SMC2: variants seen among roughly 807,000 people sequenced by gnomAD.
SMC2 encodes the protein structural maintenance of chromosomes protein 2.
In SMC2, 41 loss-of-function variants were observed where a neutral mutation model predicts 142.6. The ratio of observed to expected loss-of-function variants is 0.29; its 90% CI spans 0.22 to 0.37. The LOEUF (loss-of-function observed/expected upper bound fraction) is 0.37. SMC2 is among the 10% of genes least tolerant of loss of function. The pLI, the probability that SMC2 is intolerant of heterozygous loss-of-function variation, is 1.00. For synonymous variants in SMC2, 463 were observed against 457.5 expected (o/e 1.01, Z -0.15); for missense variants, 1,265 against 1,373.7 (o/e 0.92, Z 1.25).
chr9:104,107,100 T>G (rs936344927), intron 9 of SMC2, among the ~76,000 whole-genome samples: 2 of 152,178 alleles, frequency 1.3e-5, no homozygotes, highest in South Asian at 4.1e-4. Flanking sequence ...GCTGGTCCCT[T>G]GGGGTTCCAA....
the SMC2 span, among the ~76,000 whole-genome samples, chr9:104,089,158 A>G: frequency 6.6e-6 from 1 of 152,166 alleles, no homozygotes; most frequent in Non-Finnish European, 1.5e-5. Context: ...TTTTATATAG[A>G]AACATATACA....
chr9:104,109,460 C>G (rs1832177178), intron 9 of SMC2, among the ~76,000 whole-genome samples: 1 of 152,228 alleles, frequency 6.6e-6, no homozygotes. Flanking sequence ...ATGAGGGCTA[C>G]TGCGATAATG....
chr9:104,093,942 A>G (rs897877947), upstream of SMC2, among the ~76,000 whole-genome samples: 3 of 152,228 alleles, frequency 2.0e-5, no homozygotes, highest in South Asian at 6.2e-4. Context: ...TGTCGCTTTG[A>G]GGAGAGAAAA....
At chr9:104,105,275 G>A (rs1831624461) in intron 9 of SMC2, among the ~76,000 whole-genome samples, 1 of 152,152 alleles carries the variant, frequency 6.6e-6, no homozygotes, top group African/African-American at 2.4e-5. Flanking sequence ...TCATTTCTAG[G>A]AGTGATATGT....
rs1835876356 is a variant in SMC2, at chr9:104,139,374, T to G, written c.*59T>G. 2 of 1,362,980 alleles carry G rather than the reference T, an allele frequency of 1.5e-6. No homozygotes were observed. The highest frequency in any genetic ancestry group is 2.0e-6 in the Non-Finnish European group (2 of 999,708). 84.4% of individuals were successfully genotyped at this position (1,362,980 alleles called of 1,614,324 possible). ...TTTTAAATGTAAACTTTTAAGGACT[T>G]GAGATAACTAATTTGTTTATATACA... On this transcript the variant is annotated 3_prime_UTR_variant, in exon 25 of 25. Coordinates refer to ENST00000374793, the MANE Select transcript of SMC2 (RefSeq NM_006444.3).
intron 9 of SMC2, among the ~76,000 whole-genome samples, chr9:104,104,196 A>G (rs192036411): frequency 3.3e-5 from 5 of 152,328 alleles, no homozygotes; most frequent in Admixed American, 2.6e-4. Context: ...CTCCAAATCT[A>G]TAAGCAGGCT....
chr9:104,120,021 T>A lies in SMC2; in HGVS notation c.1997-6T>A, dbSNP rs754320641. 1.5e-5 allele frequency: 24 copies of A among 1,613,660 alleles called. No homozygotes were observed. In the South Asian group the frequency reaches 2.5e-4, roughly 17 times the overall value. On this transcript the variant is annotated splice_polypyrimidine_tract_variant and splice_region_variant and intron_variant, in intron 15 of 24. Coordinates refer to ENST00000374793, the MANE Select transcript of SMC2 (RefSeq NM_006444.3). ...TGGAAGACCTGTTTCAATTTGCCTC[T>A]ATCAGGTGCTCGATCCCAGGCAGCT...
upstream of SMC2, among the ~76,000 whole-genome samples, chr9:104,093,618 C>G (rs1206927233): frequency 6.6e-6 from 1 of 152,176 alleles, no homozygotes. Context: ...CTTATCATTA[C>G]AACGCTTTCC....
chr9:104,123,028 G>T (rs904708339), intron 16 of SMC2, 80 bp from the exon 17 acceptor site: 2 of 1,411,856 alleles, frequency 1.4e-6, no homozygotes, highest in South Asian at 1.3e-5. Context: ...TTTATTTAAG[G>T]TAAGAATCTG....
chr9:104,108,057 CAGT>C lies in SMC2; in HGVS notation c.1021-3523_1021-3521del, dbSNP rs1225169689. Among the ~76,000 whole-genome samples the C allele has an allele frequency of 4.6e-5, 7 of 152,264 alleles. No homozygotes were observed. In the South Asian group the frequency reaches 8.3e-4, roughly 18 times the overall value. The stretch of plus-strand genomic sequence containing the variant: ...CAACCAAACTATCAATATCCGTACT[CAGT>C]GGTGGGAACTGTGGTCACCAGCACC... On this transcript the variant is annotated intron_variant, in intron 9 of 24. Coordinates refer to ENST00000374793, the MANE Select transcript of SMC2 (RefSeq NM_006444.3).
intron 9 of SMC2, among the ~76,000 whole-genome samples, chr9:104,108,463 A>G (rs868353126): frequency 2.0e-5 from 3 of 152,080 alleles, no homozygotes; most frequent in African/African-American, 7.2e-5. Flanking sequence ...GAAGGTCTGC[A>G]TTGTATGTGT....
chr9:104,139,313 T>C lies in SMC2; in HGVS notation c.3592T>C (p.Ter1198GlnextTer13). The stretch of plus-strand genomic sequence containing the variant: ...ACCCAAAGGAGCACATGTGGAAGTT[T>C]AAACTACAAAGTTATTTCTTCATCT... ...KPPKGAHVEV[*>Q] is the part of the protein sequence containing the mutation. Residue 1198 changes from the stop codon to glutamine (Q), a stop_lost, in exon 25 of 25, where the codon TAA becomes CAA. Transcript: ENST00000374793. The C allele has an allele frequency of 6.4e-7, 1 of 1,574,380 alleles. No homozygotes were observed. Among genetic ancestry groups the C allele is most frequent in the Non-Finnish European group, 8.6e-7 (1 of 1,168,032 alleles).
At chr9:104,127,071 C>G (rs930672835) in intron 19 of SMC2, among the ~76,000 whole-genome samples, 3 of 152,070 alleles carry the variant, frequency 2.0e-5, no homozygotes, top group African/African-American at 7.2e-5. Context: ...ATTGTACCTC[C>G]CACCCCTTTT....
chr9:104,120,593 C>G (rs2131453441), intron 16 of SMC2, among the ~76,000 whole-genome samples: 1 of 152,242 alleles, frequency 6.6e-6, no homozygotes, highest in Middle Eastern at 3.4e-3. Context: ...CTACATATAT[C>G]AAGGATCTGC....
chr9:104,137,665 G>C (rs1004459367), intron 23 of SMC2, among the ~76,000 whole-genome samples: 3 of 94,324 alleles, frequency 3.2e-5, no homozygotes, highest in African/African-American at 1.7e-4. Context: ...AATGACCATA[G>C]CTCTTAACCT....
At chr9:104,106,670 G>A (rs1056283917) in intron 9 of SMC2, among the ~76,000 whole-genome samples, 2 of 152,122 alleles carry the variant, frequency 1.3e-5, no homozygotes, top group African/African-American at 2.4e-5. Context: ...TGGGATTACA[G>A]GCATGAACCA....
At chr9:104,101,906 AT>A (rs201044092) in intron 7 of SMC2, 53 bp from the exon 8 acceptor site, 22,878 of 1,079,332 alleles carry the variant, frequency 0.021, 1,126 homozygotes, top group African/African-American at 0.18. Context: ...GCATAATTGA[AT>A]TTTTTTTTTA....
chr9:104,140,034 A>C lies in SMC2; in HGVS notation c.*719A>C, dbSNP rs1377630303. 2.0e-5 allele frequency: 3 copies of C among 152,080 alleles called. No individual in the cohort carries two copies. The highest frequency in any genetic ancestry group is 4.4e-5 in the Non-Finnish European group (3 of 67,988). 9.4% of individuals were successfully genotyped at this position (152,080 alleles called of 1,614,324 possible). On this transcript the variant is annotated 3_prime_UTR_variant, in exon 25 of 25. Transcript: ENST00000374793. Reference sequence around the variant, plus strand: ...AAGCTGTGTAAGTATTTTTAAATCAAAGCTTAGGAGGTGTGTTGCGTGGTA... The same window carrying C: ...AAGCTGTGTAAGTATTTTTAAATCACAGCTTAGGAGGTGTGTTGCGTGGTA...
At chr9:104,103,215 T>C (rs1213587022) in intron 9 of SMC2, among the ~76,000 whole-genome samples, 1 of 152,072 alleles carries the variant, frequency 6.6e-6, no homozygotes, top group Non-Finnish European at 1.5e-5. Flanking sequence ...TGAGGAAAAT[T>C]AGGCCAGTAA....
Sources: gnomAD v4.1 joint callset for allele counts (sites outside exome capture counted in the v4.1 genomes callset) on GRCh38, gnomAD v4.1.1 for gene constraint, MANE v1.5 for transcripts, NCBI Gene and HGNC (gene_info 2026-07-23, HGNC 2026-07-21) for gene names.